ARHGEF17: variants seen among roughly 807,000 people sequenced by gnomAD.
ARHGEF17 encodes the protein Rho guanine nucleotide exchange factor 17, also known as 164 kDa Rho-specific guanine-nucleotide exchange factor.
A neutral mutation model predicts 174.0 loss-of-function variants in ARHGEF17; 80 were observed. The ratio of observed to expected loss-of-function variants is 0.46; its 90% CI spans 0.38 to 0.55. The LOEUF (loss-of-function observed/expected upper bound fraction) is 0.55, where lower values mean the gene tolerates loss of function less well. Among genes scored for constraint, ARHGEF17 ranks in the 20% least tolerant of loss-of-function variants. The pLI is 0.00. For missense variants in ARHGEF17, 2,886 were observed against 2,839.7 expected, an observed-to-expected ratio of 1.02 and a Z score of -0.37; for synonymous variants, 1,311 against 1,189.1, an observed-to-expected ratio of 1.10 and a Z score of -2.11.
At chr11:73,325,234 C>T (rs1442576709) in intron 1 of ARHGEF17, among the ~76,000 whole-genome samples, 1 of 152,232 alleles carries the variant, frequency 6.6e-6, no homozygotes, top group African/African-American at 2.4e-5. Flanking sequence ...CACCCCCAGC[C>T]TCCTGCCCTG....
In ARHGEF17 at chr11:73,361,164, A is replaced by G. The variant is rs1412871911; in HGVS notation, c.4494+3A>G. 6.2e-7 allele frequency: 1 copy of G among 1,613,902 alleles called. No homozygotes were observed. The highest frequency in any genetic ancestry group is 1.7e-5 in the Admixed American group (1 of 60,002). ...TGAAAACCCGCAGTGGCATGCAGGT[A>G]TGTCTGCATCTGGGTCACTTGGGTA... On this transcript the variant is annotated splice_donor_region_variant and intron_variant, in intron 12 of 20. Transcript: ENST00000263674.
At chr11:73,329,332 T>C (rs1387240042) in intron 1 of ARHGEF17, among the ~76,000 whole-genome samples, 1 of 2,006 alleles carries the variant, frequency 5.0e-4, no homozygotes, top group Non-Finnish European at 1.1e-3. Context: ...CATATATATA[T>C]ATATATATAT....
intron 9 of ARHGEF17, 136 bp downstream of exon 9, chr11:73,357,463 A>C: frequency 1.3e-6 from 1 of 771,300 alleles, no homozygotes; most frequent in East Asian, 2.7e-5. Context: ...CATCCAGTGC[A>C]AGGGGGCTGG....
At chr11:73,342,043 A>G (rs960948819) in intron 1 of ARHGEF17, among the ~76,000 whole-genome samples, 3 of 152,074 alleles carry the variant, frequency 2.0e-5, no homozygotes, top group African/African-American at 7.2e-5. Flanking sequence ...TGGGCTTTCA[A>G]GCAGCACGTT....
In ARHGEF17 at chr11:73,308,531, C is replaced by T. The variant is rs1333018076; in HGVS notation, c.-108C>T. Reference sequence around the variant, plus strand: ...GTCTCTGCGTCCTCTTCCCACACTCCCGTGCGCTGCTTTCGGCGTGGGCCG... The same window carrying T: ...GTCTCTGCGTCCTCTTCCCACACTCTCGTGCGCTGCTTTCGGCGTGGGCCG... On this transcript the variant is annotated 5_prime_UTR_variant, in exon 1 of 21. Coordinates refer to ENST00000263674, the MANE Select transcript of ARHGEF17 (RefSeq NM_014786.4). 2.0e-6 allele frequency: 2 copies of T among 1,009,674 alleles called. No homozygotes were observed. Among genetic ancestry groups the T allele is most frequent in the South Asian group, 2.1e-5 (1 of 46,578 alleles). The allele number at this position is 1,009,674 out of a possible 1,614,324, so 62.5% of individuals were successfully genotyped here.
In ARHGEF17 at chr11:73,332,065, G is replaced by A. The variant is rs1004010225; in HGVS notation, c.3193-14818G>A. ...GGGAGGCCTGCCATGGAAGGAGGGT[G>A]CTTAAGCCAACCACTGACCCCTGAG... On this transcript the variant is annotated intron_variant, in intron 1 of 20. Transcript: ENST00000263674. Among the ~76,000 whole-genome samples, 4 of 152,364 alleles carry A rather than the reference G, an allele frequency of 2.6e-5. No homozygotes were observed. The South Asian group carries it at 6.2e-4, about 24-fold the overall frequency.
At chr11:73,343,095 C>A in intron 1 of ARHGEF17, 2 of 319,518 alleles carry the variant, frequency 6.3e-6, no homozygotes, top group South Asian at 1.4e-4. Flanking sequence ...CCCCGCCCCC[C>A]GCCCCGCCGC....
chr11:73,323,243 C>T (rs540908937), intron 1 of ARHGEF17, among the ~76,000 whole-genome samples: 1 of 152,302 alleles, frequency 6.6e-6, no homozygotes, highest in South Asian at 2.1e-4. Context: ...AAAGAGCAGG[C>T]TTGGGCTGCC....
chr11:73,353,428 G>A (rs1865588647), intron 3 of ARHGEF17, among the ~76,000 whole-genome samples: 1 of 152,216 alleles, frequency 6.6e-6, no homozygotes, highest in Non-Finnish European at 1.5e-5. Context: ...GACTTGGGCT[G>A]GATGTTGATG....
chr11:73,351,979 T>C (rs550092942), intron 2 of ARHGEF17, among the ~76,000 whole-genome samples: 14 of 152,348 alleles, frequency 9.2e-5, no homozygotes, highest in African/African-American at 3.1e-4. Context: ...CAGGGTTCAT[T>C]CTATAATTGG....
At chr11:73,364,823 A>G (rs1865809407) in intron 18 of ARHGEF17, 1 of 554,942 alleles carries the variant, frequency 1.8e-6, no homozygotes, top group South Asian at 3.2e-5. Context: ...TAGGAATCTT[A>G]TTCATCCTCC....
At chr11:73,331,793 C>T (rs895849969) in intron 1 of ARHGEF17, among the ~76,000 whole-genome samples, 2 of 152,182 alleles carry the variant, frequency 1.3e-5, no homozygotes, top group Admixed American at 6.5e-5. Context: ...CCTGGAAAAC[C>T]TCTCCCAGCT....
intron 1 of ARHGEF17, among the ~76,000 whole-genome samples, chr11:73,341,743 A>C: frequency 6.6e-6 from 1 of 152,242 alleles, no homozygotes; most frequent in East Asian, 1.9e-4. Flanking sequence ...ACATCAAGCA[A>C]AGAGATGAGA....
chr11:73,365,293 T>C lies in ARHGEF17; in HGVS notation c.5551-97T>C. 1.4e-6 allele frequency: 2 copies of C among 1,390,428 alleles called. No homozygotes were observed. Among genetic ancestry groups the C allele is most frequent in the Non-Finnish European group, 2.0e-6 (2 of 1,001,504 alleles). 86.1% of individuals were successfully genotyped at this position (1,390,428 alleles called of 1,614,324 possible). The stretch of plus-strand genomic sequence containing the variant: ...ATCAGACCAAGGACCAACGCTAGTG[T>C]GAGTTGTGAGGGATGGACACTGGTG... On this transcript the variant is annotated intron_variant, in intron 18 of 20. Transcript: ENST00000263674. This position sits in a 1 kb window ranked among gnomAD's most constrained non-coding sequence, Gnocchi z 4.9.
At chr11:73,349,480 T>C (rs540720051) in intron 2 of ARHGEF17, among the ~76,000 whole-genome samples, 2 of 152,116 alleles carry the variant, frequency 1.3e-5, no homozygotes, top group South Asian at 4.2e-4. Context: ...CTGGGTGTGG[T>C]GGCAGGCTAC....
rs770725019 is a variant in ARHGEF17 at position 73,310,917 on chromosome 11, T to A, written c.2279T>A (p.Leu760Gln). 3 of 1,613,854 alleles carry A rather than the reference T, an allele frequency of 1.9e-6. No homozygotes were observed. Among genetic ancestry groups the A allele is most frequent in the South Asian group, 2.2e-5 (2 of 91,084 alleles). Reference protein sequence around the residue: ...PTGFSVDSNLLGSLSPKTGLP... With the variant: ...PTGFSVDSNLQGSLSPKTGLP... ...GGGTTCTCTGTGGACAGCAACCTCC[T>A]GGGCTCACTGAGCCCCAAGACAGGG... is the stretch of plus-strand genomic sequence containing the variant. The change falls in exon 1 of 21, where the codon CTG becomes CAG. Residue 760 changes from leucine to glutamine, a missense_variant. Leu to Gln is a moderately radical substitution (Grantham distance 113). Transcript: ENST00000263674.
At chr11:73,344,670 C>T (rs773513206) in intron 1 of ARHGEF17, among the ~76,000 whole-genome samples, 2 of 152,232 alleles carry the variant, frequency 1.3e-5, no homozygotes, top group Non-Finnish European at 2.9e-5. Flanking sequence ...CAGAGCTGCT[C>T]TGCTCGCTGC....
At chr11:73,360,083 C>T (rs1591760149) in intron 10 of ARHGEF17, 131 bp downstream of exon 10, 2 of 1,001,460 alleles carry the variant, frequency 2.0e-6, no homozygotes, top group Non-Finnish European at 1.5e-6. Context: ...GCAAAAATCG[C>T]AGCCTCCCTG....
In ARHGEF17 at chr11:73,309,167, T is replaced by C; in HGVS notation, c.529T>C (p.Phe177Leu). The C allele has an allele frequency of 1.3e-6, 2 of 1,591,056 alleles. No homozygotes were observed. Among genetic ancestry groups the C allele is most frequent in the Non-Finnish European group, 1.7e-6 (2 of 1,169,348 alleles). The change falls in exon 1 of 21, where the codon TTC (phenylalanine) becomes CTC (leucine). Residue 177 changes from phenylalanine to leucine, a missense_variant. Transcript: ENST00000263674. The part of the protein sequence containing the change: ...QPPTPPPRTC[F>L]PLAGLRSARP... ...ACCGACGCCACCCCCTCGGACATGCTTCCCCCTGGCGGGTCTGCGTTCGGC... is the reference window on the plus strand; with the variant it reads ...ACCGACGCCACCCCCTCGGACATGCCTCCCCCTGGCGGGTCTGCGTTCGGC...
Sources: gnomAD v4.1 joint callset for allele counts (sites outside exome capture counted in the v4.1 genomes callset) on GRCh38, gnomAD v4.1.1 for gene constraint, Gnocchi (gnomAD v3.1) non-coding constraint, MANE v1.5 for transcripts, NCBI Gene and HGNC (gene_info 2026-07-23, HGNC 2026-07-21) for gene names.